The following CCDC88A variants were observed in gnomAD, a reference collection of about 807,000 sequenced individuals.
The protein encoded by CCDC88A is girdin.
Under a neutral mutation model 234.3 loss-of-function variants are expected in CCDC88A, and 54 were observed. The observed-to-expected ratio is 0.23, with a 90% confidence interval of 0.19 to 0.29. The LOEUF (loss-of-function observed/expected upper bound fraction) is 0.29. Ranked by LOEUF, CCDC88A falls within the 10% of genes least tolerant of loss-of-function variation. The pLI is 1.00. For missense variants in CCDC88A, 1,832 were observed against 2,123.4 expected (o/e 0.86, Z 2.70); for synonymous variants, 753 against 737.8 (o/e 1.02, Z -0.33).
chr2:55,419,129 G>C lies in CCDC88A; in HGVS notation c.-50C>G, dbSNP rs760143982. Reference sequence around the variant, plus strand: ...AGGAACTACCACAAAAATACGCCTAGGGAATTGGTCACTAAACGTGGAAGT... The same window carrying C: ...AGGAACTACCACAAAAATACGCCTACGGAATTGGTCACTAAACGTGGAAGT... On this transcript the variant is annotated 5_prime_UTR_variant, in exon 1 of 33. Transcript: ENST00000436346. 5 of 1,109,848 alleles carry C rather than the reference G, an allele frequency of 4.5e-6. No homozygotes were observed. Among genetic ancestry groups the C allele is most frequent in the Admixed American group, 1.8e-5 (1 of 54,942 alleles). 68.8% of individuals were successfully genotyped at this position (1,109,848 alleles called of 1,614,324 possible).
At position 55,343,630 on chromosome 2, in the gene CCDC88A, T is replaced by A. The variant is rs750703048; in HGVS notation, c.1333+18A>T. 6.4e-7 allele frequency: 1 copy of A among 1,574,292 alleles called. No individual in the cohort carries two copies. Among genetic ancestry groups the A allele is most frequent in the South Asian group, 1.2e-5 (1 of 83,648 alleles). Reference sequence around the variant, plus strand: ...TCATGATTCGATTATCTATTTAAATTAAAAAAATTGGGAATACCTTCGGAA... The same window carrying A: ...TCATGATTCGATTATCTATTTAAATAAAAAAAATTGGGAATACCTTCGGAA... On this transcript the variant is annotated intron_variant, in intron 12 of 32. Transcript: ENST00000436346.
intron 7 of CCDC88A, chr2:55,356,688 G>C (rs772896504): frequency 6.6e-6 from 1 of 152,182 alleles, no homozygotes; most frequent in South Asian, 2.1e-4. Flanking sequence ...CCAGCACTTA[G>C]GGAGGCCGAG....
chr2:55,288,689 T>C lies in CCDC88A; in HGVS notation c.*2511A>G, dbSNP rs1679229205. On this transcript the variant is annotated 3_prime_UTR_variant, in exon 33 of 33. Coordinates refer to ENST00000436346, the MANE Select transcript of CCDC88A (RefSeq NM_001365480.1). The stretch of plus-strand genomic sequence containing the variant: ...ACATGGACAGATCTGAAGCACATTA[T>C]TGGAGCTCTGAGCCAAAGCTATTAC... 1 of 152,602 alleles carries C rather than the reference T, an allele frequency of 6.6e-6. No homozygotes were observed. The highest frequency in any genetic ancestry group is 2.4e-5 in the African/African-American group (1 of 41,464). 9.5% of individuals were successfully genotyped at this position (152,602 alleles called of 1,614,324 possible). A position where few individuals can be genotyped will look rare whatever the true frequency, so the allele number is the denominator to read the frequency against.
intron 2 of CCDC88A, among the ~76,000 whole-genome samples, chr2:55,416,117 A>G (rs1022596103): frequency 2.6e-5 from 4 of 152,144 alleles, no homozygotes; most frequent in African/African-American, 9.7e-5. Context: ...TAAGCCAATT[A>G]TAACTGTATT....
Position 55,332,279 on chromosome 2 carries a change from CA to C in CCDC88A, c.2855+286del, listed in dbSNP as rs1188242296. On this transcript the variant is annotated intron_variant, in intron 16 of 32. Coordinates refer to ENST00000436346, the MANE Select transcript of CCDC88A (RefSeq NM_001365480.1). This position sits in a 1 kb window ranked among gnomAD's most constrained non-coding sequence, Gnocchi z 4.5. The stretch of plus-strand genomic sequence containing the variant: ...AATTACAGGCATGCACCACCATGCC[CA>C]GCTAATTTTTTTTGTATTTTTAGTA... 1 of 182,842 alleles carries C rather than the reference CA, an allele frequency of 5.5e-6. No individual in the cohort carries two copies. Among genetic ancestry groups the C allele is most frequent in the East Asian group, 1.6e-4 (1 of 6,342 alleles). The allele number at this position is 182,842 out of a possible 1,614,324, so 11.3% of individuals were successfully genotyped here. A position where few individuals can be genotyped will look rare whatever the true frequency, so the allele number is the denominator to read the frequency against.
At chr2:55,333,744 G>A (rs112649229) in intron 15 of CCDC88A, among the ~76,000 whole-genome samples, 1 of 151,886 alleles carries the variant, frequency 6.6e-6, no homozygotes, top group South Asian at 2.1e-4. Context: ...CCAGTACTTG[G>A]CACACAGCAC....
At chr2:55,374,353 A>G (rs941820430) in intron 4 of CCDC88A, among the ~76,000 whole-genome samples, 2 of 152,200 alleles carry the variant, frequency 1.3e-5, no homozygotes, top group Non-Finnish European at 2.9e-5. Flanking sequence ...GGGCAACAAG[A>G]GCGAAACTGC....
At position 55,419,410 on chromosome 2, in the gene CCDC88A, TTGTCCAGCTCCTGGAG is replaced by T. The variant is rs1681971947; in HGVS notation, c.-347_-332del. 1 of 317,822 alleles carries T rather than the reference TTGTCCAGCTCCTGGAG, an allele frequency of 3.1e-6. No homozygotes were observed. The highest frequency in any genetic ancestry group is 3.4e-5 in the South Asian group (1 of 29,756). The allele number at this position is 317,822 out of a possible 1,614,324, so 19.7% of individuals were successfully genotyped here. A position where few individuals can be genotyped will look rare whatever the true frequency, so the allele number is the denominator to read the frequency against. On this transcript the variant is annotated 5_prime_UTR_variant, in exon 1 of 33. Transcript: ENST00000436346. ...ACCCAAGACAAAAAGCCCGTCAAGG[TTGTCCAGCTCCTGGAG>T]GATCCAGACCAGCGAAACTGCTCCC...
intron 25 of CCDC88A, chr2:55,308,563 G>C: frequency 2.4e-6 from 1 of 420,446 alleles, no homozygotes; most frequent in Non-Finnish European, 4.2e-6. Flanking sequence ...AGGTATTCCA[G>C]CTCTTATTTT....
At chr2:55,323,391 C>T (rs1470902494) in intron 17 of CCDC88A, 1 of 152,084 alleles carries the variant, frequency 6.6e-6, no homozygotes. Flanking sequence ...ATCTAATGTA[C>T]AACTTAAGAA....
intron 7 of CCDC88A, chr2:55,356,411 G>T (rs1670587496): frequency 6.6e-6 from 1 of 150,496 alleles, no homozygotes; most frequent in Non-Finnish European, 1.5e-5. Context: ...GAGGGCATTT[G>T]GGTTCATTCC....
At chr2:55,398,799 A>G (rs1678071947) in intron 2 of CCDC88A, among the ~76,000 whole-genome samples, 1 of 151,994 alleles carries the variant, frequency 6.6e-6, no homozygotes, top group Non-Finnish European at 1.5e-5. Context: ...CAGGAGTTTG[A>G]GGCTGCAGTG....
chr2:55,317,992 C>G lies in CCDC88A; in HGVS notation c.3325-151G>C. ...TGGGAAGACGTGGATTTTAGCTTCC[C>G]AAAGAATAAGGCTATCATTTAATTT... On this transcript the variant is annotated intron_variant, in intron 19 of 32. Transcript: ENST00000436346. The surrounding 1 kb of genome is among the most constrained non-coding windows in gnomAD (Gnocchi z 4.2). 1.7e-6 allele frequency: 1 copy of G among 577,106 alleles called. No individual in the cohort carries two copies. Among genetic ancestry groups the G allele is most frequent in the African/African-American group, 1.9e-5 (1 of 53,622 alleles). The allele number at this position is 577,106 out of a possible 1,614,324, so 35.7% of individuals were successfully genotyped here.
In CCDC88A at chr2:55,301,896, A is replaced by T. The variant is rs1167355213; in HGVS notation, c.4648T>A (p.Ser1550Thr). Residue 1550 changes from serine to threonine, a missense_variant, in exon 27 of 33, where the codon TCC becomes ACC. Physicochemically the swap from Ser to Thr is moderately conservative, Grantham distance 58. This residue lies in a region of CCDC88A where 422 missense variants were observed against 416.5 expected (regional missense o/e 1.01). Coordinates refer to ENST00000436346, the MANE Select transcript of CCDC88A (RefSeq NM_001365480.1). ...STVNSSAGFRSKQLVNNKDTT... is the reference protein window; with the variant it reads ...STVNSSAGFRTKQLVNNKDTT... The stretch of plus-strand genomic sequence containing the variant: ...CCTTTATTATTAACCAACTGCTTGG[A>T]TCTGAAGCCTGCAGAAGAGTTGACA... The T allele has an allele frequency of 1.9e-6, 3 of 1,614,076 alleles. No homozygotes were observed. The Admixed American group carries it at 5.0e-5, about 27-fold the overall frequency.
At chr2:55,349,755 T>A in intron 8 of CCDC88A, 156 bp from the exon 9 acceptor site, 1 of 514,698 alleles carries the variant, frequency 1.9e-6, no homozygotes, top group Non-Finnish European at 3.4e-6. Context: ...AGATAGATAT[T>A]AGGAATTTAT....
intron 5 of CCDC88A, among the ~76,000 whole-genome samples, chr2:55,369,058 G>A (rs1672430965): frequency 6.6e-6 from 1 of 151,784 alleles, no homozygotes; most frequent in East Asian, 1.9e-4. Context: ...TTTTTGAGAT[G>A]GAGTCTTGCT....
chr2:55,344,751 G>A (rs1264188780), intron 10 of CCDC88A, among the ~76,000 whole-genome samples: 1 of 151,864 alleles, frequency 6.6e-6, no homozygotes, highest in Non-Finnish European at 1.5e-5. Flanking sequence ...AAATTGTCGG[G>A]GTATATTTAA....
intron 3 of CCDC88A, among the ~76,000 whole-genome samples, chr2:55,375,979 AC>A (rs1229531777): frequency 2.6e-5 from 4 of 152,176 alleles, no homozygotes; most frequent in Admixed American, 1.3e-4. Flanking sequence ...TCTCTCCTCT[AC>A]AACAGATGTT....
At chr2:55,383,991 G>T (rs553410567) in intron 3 of CCDC88A, among the ~76,000 whole-genome samples, 6 of 152,028 alleles carry the variant, frequency 3.9e-5, no homozygotes, top group South Asian at 4.1e-4. Flanking sequence ...TATGAGCTAC[G>T]ACCATGCCAC....
Sources: allele counts gnomAD v4.1 joint callset (sites outside exome capture counted in the v4.1 genomes callset), GRCh38; gene constraint gnomAD v4.1.1; regional missense constraint gnomAD v4.1.1; non-coding constraint Gnocchi (gnomAD v3.1); transcripts MANE v1.5; gene names NCBI Gene and HGNC (gene_info 2026-07-23, HGNC 2026-07-21).